Variants in TXLNB observed in about 807,000 individuals in gnomAD.
The protein encoded by TXLNB is beta-taxilin.
Under a neutral mutation model 57.4 loss-of-function variants are expected in TXLNB, and 37 were observed. The ratio of observed to expected loss-of-function variants is 0.64; its 90% CI spans 0.50 to 0.85. TXLNB has a LOEUF of 0.85. Ranked by LOEUF, TXLNB falls within the 40% of genes least tolerant of loss-of-function variation. The pLI is 0.00. For missense variants in TXLNB, 848 were observed against 825.6 expected, an observed-to-expected ratio of 1.03 and a Z score of -0.33; for synonymous variants, 302 against 309.6, an observed-to-expected ratio of 0.98 and a Z score of 0.26.
the TXLNB span, among the ~76,000 whole-genome samples, chr6:139,306,478 C>A: frequency 6.6e-6 from 1 of 152,176 alleles, no homozygotes; most frequent in Non-Finnish European, 1.5e-5. Context: ...GCTTGAATGG[C>A]AAATGGTTGA....
At chr6:139,292,076 G>GCACA (rs1562292480), upstream of TXLNB, 18 of 133,398 alleles carry the variant, frequency 1.3e-4, no homozygotes, top group African/African-American at 6.9e-4. The surrounding 1 kb of genome is among the most constrained non-coding windows in gnomAD (Gnocchi z 4.0). Flanking sequence ...ACACGTGCAC[G>GCACA]CACGCGCGCG....
chr6:139,167,134 G>A, the TXLNB span: 13 of 1,614,042 alleles, frequency 8.1e-6, no homozygotes, highest in Non-Finnish European at 1.1e-5. Flanking sequence ...ATGCCCAAGT[G>A]GGCCAGGGGG....
the TXLNB span, among the ~76,000 whole-genome samples, chr6:139,168,766 A>T: frequency 6.6e-6 from 1 of 152,196 alleles, no homozygotes. Flanking sequence ...GGAGCATGGG[A>T]ATAGATGATT....
In TXLNB at chr6:139,248,260, G is replaced by A. The variant is rs1175058735; in HGVS notation, c.1078-351C>T. 2.7e-5 allele frequency among the ~76,000 whole-genome samples: 4 copies of A among 148,100 alleles called. No homozygotes were observed. In the East Asian group the frequency reaches 5.9e-4, roughly 22 times the overall value. On this transcript the variant is annotated intron_variant, in intron 7 of 9. Transcript: ENST00000358430. ...TGTACTCCAGCCTGGGCGACAGAGC[G>A]AGACTCCGTCTCAAAAAAAAAAAAA...
At chr6:139,319,261 ATT>A in the TXLNB span, among the ~76,000 whole-genome samples, 45 of 130,098 alleles carry the variant, frequency 3.5e-4, no homozygotes, top group Non-Finnish European at 3.6e-4. Context: ...TCCCTTTAAA[ATT>A]TTTTTTTTTT....
chr6:139,270,971 T>G (rs1405060675), intron 3 of TXLNB, among the ~76,000 whole-genome samples: 1 of 152,044 alleles, frequency 6.6e-6, no homozygotes, highest in African/African-American at 2.4e-5. Flanking sequence ...ACTGCCAGAG[T>G]TCATGACGAT....
the TXLNB span, among the ~76,000 whole-genome samples, chr6:139,190,752 C>G: frequency 6.6e-6 from 1 of 152,110 alleles, no homozygotes; most frequent in East Asian, 1.9e-4. Context: ...TCCCAAAAGG[C>G]CCCACCCCTT....
the TXLNB span, among the ~76,000 whole-genome samples, chr6:139,188,605 T>C: frequency 6.6e-6 from 1 of 152,228 alleles, no homozygotes; most frequent in African/African-American, 2.4e-5. Context: ...CTGAAAAATT[T>C]CTGAAAGAGA....
the TXLNB span, among the ~76,000 whole-genome samples, chr6:139,171,686 G>A: frequency 4.6e-5 from 7 of 152,048 alleles, no homozygotes; most frequent in South Asian, 6.2e-4. Context: ...GGAAAGCAGC[G>A]GAGTGATCAT....
At chr6:139,195,552 T>G in the TXLNB span, among the ~76,000 whole-genome samples, 1 of 152,212 alleles carries the variant, frequency 6.6e-6, no homozygotes, top group African/African-American at 2.4e-5. Flanking sequence ...CATCCAACTA[T>G]GGTGAAAAAT....
At chr6:139,322,904 G>T in the TXLNB span, among the ~76,000 whole-genome samples, 2 of 152,146 alleles carry the variant, frequency 1.3e-5, no homozygotes, top group Admixed American at 6.5e-5. Flanking sequence ...GGTTTTCCCT[G>T]CTGTTGAATC....
At chr6:139,266,509 A>C (rs759738598) in intron 4 of TXLNB, among the ~76,000 whole-genome samples, 6 of 152,174 alleles carry the variant, frequency 3.9e-5, no homozygotes, top group Non-Finnish European at 7.4e-5. Flanking sequence ...AGAATCACTG[A>C]ATGTGAAGAT....
At chr6:139,188,720 G>A in the TXLNB span, among the ~76,000 whole-genome samples, 1 of 152,058 alleles carries the variant, frequency 6.6e-6, no homozygotes, top group Non-Finnish European at 1.5e-5. Flanking sequence ...GAAAAATTGT[G>A]TTGGAATCTC....
chr6:139,222,506 C>T, the TXLNB span, among the ~76,000 whole-genome samples: 1 of 152,060 alleles, frequency 6.6e-6, no homozygotes, highest in East Asian at 1.9e-4. Context: ...AAAATGGAGA[C>T]ATATAAAAAT....
In TXLNB at chr6:139,242,895, C is replaced by T. The variant is rs963341982; in HGVS notation, c.1686G>A (p.Gln562=). Residue 562 remains glutamine (Q), a synonymous_variant, in exon 10 of 10, where the codon CAG becomes CAA. Coordinates refer to ENST00000358430, the MANE Select transcript of TXLNB (RefSeq NM_153235.4). ...CATCACTGCCTCCTTCGGCTTCAGC[C>T]TGAGGAGTTAGGGGAGGCAGGGGAC... ...SESPLPPLTP[Q]AEAEGGSDAE... The T allele has an allele frequency of 7.4e-6, 12 of 1,614,124 alleles. No individual in the cohort carries two copies. The highest frequency in any genetic ancestry group is 1.3e-5 in the African/African-American group (1 of 75,030).
chr6:139,313,136 G>A, the TXLNB span, among the ~76,000 whole-genome samples: 13 of 151,400 alleles, frequency 8.6e-5, no homozygotes, highest in Non-Finnish European at 1.3e-4. Context: ...GCAGTGGCGC[G>A]ATCTCGGCTC....
chr6:139,166,479 A>G, the TXLNB span: 4 of 1,614,052 alleles, frequency 2.5e-6, no homozygotes. Context: ...AGCTGGAACG[A>G]GAAGCAATGC....
chr6:139,300,207 T>A, the TXLNB span, among the ~76,000 whole-genome samples: 1 of 152,202 alleles, frequency 6.6e-6, no homozygotes, highest in Non-Finnish European at 1.5e-5. Flanking sequence ...TGTGTGGTGG[T>A]CACCTAGTTC....
chr6:139,311,321 C>CT, the TXLNB span, among the ~76,000 whole-genome samples: 3 of 114,502 alleles, frequency 2.6e-5, no homozygotes, highest in Admixed American at 2.7e-4. Flanking sequence ...TGAGCCATAT[C>CT]TTTCTTTTCT....
Sources: gnomAD v4.1 joint callset for allele counts (sites outside exome capture counted in the v4.1 genomes callset) on GRCh38, gnomAD v4.1.1 for gene constraint, Gnocchi (gnomAD v3.1) non-coding constraint, MANE v1.5 for transcripts, NCBI Gene and HGNC (gene_info 2026-07-23, HGNC 2026-07-21) for gene names.